Variants in LARGE1 observed in about 807,000 individuals in gnomAD.
LARGE1 encodes the protein LARGE xylosyl- and glucuronyltransferase 1.
LARGE1 carries 43 observed loss-of-function variants against 87.6 expected under a neutral mutation model. That is an observed-to-expected ratio of 0.49 (90% CI 0.38 to 0.63). The LOEUF (loss-of-function observed/expected upper bound fraction) is 0.63, where lower values mean the gene tolerates loss of function less well. LARGE1 is among the 30% of genes least tolerant of loss of function. The pLI, the probability that LARGE1 is intolerant of heterozygous loss-of-function variation, is 0.00. For missense variants in LARGE1, 802 were observed against 1,000.2 expected, an observed-to-expected ratio of 0.80 and a Z score of 2.67; for synonymous variants, 434 against 394.6, an observed-to-expected ratio of 1.10 and a Z score of -1.18.
At position 33,610,173 on chromosome 22, in the gene LARGE1, T is replaced by C. The variant is rs191273070; in HGVS notation, c.492-5615A>G. Among the ~76,000 whole-genome samples, 257 of 152,240 alleles carry C rather than the reference T, an allele frequency of 1.7e-3. 1 individual carries two copies. The highest frequency in any genetic ancestry group is 5.8e-3 in the African/African-American group (243 of 41,546). On this transcript the variant is annotated intron_variant, in intron 4 of 14. Transcript: ENST00000397394. ...TGGTACCAGGAGTGAGATACTACTA[T>C]AAACATATATGAAAATATGGAGGCA...
the LARGE1 span, among the ~76,000 whole-genome samples, chr22:33,080,792 A>C: frequency 7.2e-5 from 11 of 152,210 alleles, no homozygotes; most frequent in Admixed American, 7.2e-4. Flanking sequence ...AATACTCTTA[A>C]CTGCTGTCCA....
At chr22:33,184,103 T>C in intron 11 of LARGE1, among the ~76,000 whole-genome samples, 1 of 142,386 alleles carries the variant, frequency 7.0e-6, no homozygotes, top group South Asian at 2.2e-4. Flanking sequence ...TATATATATA[T>C]CATATCTTTA....
At chr22:33,859,332 G>A (rs1199192102) in intron 1 of LARGE1, among the ~76,000 whole-genome samples, 2 of 152,004 alleles carry the variant, frequency 1.3e-5, no homozygotes, top group Non-Finnish European at 2.9e-5. Context: ...GGAAACAAAC[G>A]CACGAGCTTT....
intron 5 of LARGE1, among the ~76,000 whole-genome samples, chr22:33,577,424 A>G (rs2078387201): frequency 6.6e-6 from 1 of 152,212 alleles, no homozygotes; most frequent in Admixed American, 6.5e-5. Flanking sequence ...TGAATCCAAC[A>G]GTTCTTTCTT....
chr22:33,645,923 T>C (rs1414871720), intron 3 of LARGE1, among the ~76,000 whole-genome samples: 1 of 152,094 alleles, frequency 6.6e-6, no homozygotes, highest in Non-Finnish European at 1.5e-5. Flanking sequence ...ATGGCGATCA[T>C]TAAAAAGTCA....
At chr22:33,533,535 C>T (rs151320521) in intron 6 of LARGE1, among the ~76,000 whole-genome samples, 1 of 152,162 alleles carries the variant, frequency 6.6e-6, no homozygotes, top group Non-Finnish European at 1.5e-5. Flanking sequence ...GCTCCCTCAG[C>T]CTTAGTTGTT....
At chr22:33,483,961 C>T (rs977538119) in intron 6 of LARGE1, among the ~76,000 whole-genome samples, 7 of 152,132 alleles carry the variant, frequency 4.6e-5, no homozygotes, top group East Asian at 1.9e-4. Context: ...GTGACCTTGA[C>T]GGCCGGAAGT....
the LARGE1 span, among the ~76,000 whole-genome samples, chr22:33,138,779 T>C: frequency 6.6e-6 from 1 of 151,836 alleles, no homozygotes; most frequent in Non-Finnish European, 1.5e-5. Context: ...CTGAAATGAG[T>C]TGAGACTTTG....
intron 2 of LARGE1, among the ~76,000 whole-genome samples, chr22:33,708,218 T>C (rs1455941765): frequency 2.0e-5 from 3 of 151,554 alleles, no homozygotes; most frequent in African/African-American, 7.3e-5. Context: ...GAATAGAAGT[T>C]AGGAGTTGCT....
At chr22:33,773,830 G>T (rs535437602) in intron 1 of LARGE1, among the ~76,000 whole-genome samples, 1 of 133,392 alleles carries the variant, frequency 7.5e-6, no homozygotes, top group Non-Finnish European at 1.7e-5. Flanking sequence ...TCCAAAATAC[G>T]ATTATCAAAC....
At chr22:33,904,360 T>C (rs1450225569) in intron 1 of LARGE1, among the ~76,000 whole-genome samples, 1 of 152,236 alleles carries the variant, frequency 6.6e-6, no homozygotes, top group East Asian at 1.9e-4. Flanking sequence ...TTCACCATGT[T>C]GGCCAGGTCA....
chr22:33,709,014 A>G (rs2082646803), intron 2 of LARGE1, among the ~76,000 whole-genome samples: 1 of 152,046 alleles, frequency 6.6e-6, no homozygotes, highest in Admixed American at 6.5e-5. Context: ...TTATAGGGAC[A>G]CCAGTCGGAT....
In LARGE1 at chr22:33,171,893, C is replaced by G. The variant is rs569928903; in HGVS notation, c.1731-5061G>C. Among the ~76,000 whole-genome samples, 5 of 152,264 alleles carry G rather than the reference C, an allele frequency of 3.3e-5. No homozygotes were observed. The East Asian group carries it at 9.6e-4, about 29-fold the overall frequency. On this transcript the variant is annotated intron_variant, in intron 11 of 11. Coordinates refer to the LARGE1 transcript ENST00000608642. Reference sequence around the variant, plus strand: ...AGAAGAGGACCATTGTCCTCCAGACCCCAGAAAGGTAGATCCACTGACAGA... The same window carrying G: ...AGAAGAGGACCATTGTCCTCCAGACGCCAGAAAGGTAGATCCACTGACAGA...
chr22:33,461,061 C>T (rs2068362248), intron 6 of LARGE1, among the ~76,000 whole-genome samples: 1 of 152,120 alleles, frequency 6.6e-6, no homozygotes, highest in Non-Finnish European at 1.5e-5. Flanking sequence ...CAACATCAAA[C>T]AAAAACTGCA....
chr22:33,230,867 G>A (rs1257885268), intron 11 of LARGE1, among the ~76,000 whole-genome samples: 1 of 152,224 alleles, frequency 6.6e-6, no homozygotes, highest in Non-Finnish European at 1.5e-5. Context: ...TGACCATCAA[G>A]AGAGTAGGTG....
At chr22:33,671,701 C>T (rs529717370) in intron 2 of LARGE1, among the ~76,000 whole-genome samples, 1 of 152,296 alleles carries the variant, frequency 6.6e-6, no homozygotes, top group Admixed American at 6.5e-5. Context: ...TTATGTTGTC[C>T]TTTCTCTTAA....
chr22:33,316,287 A>G (rs953137455), intron 10 of LARGE1, 39 bp from the exon 11 acceptor site: 1 of 1,606,472 alleles, frequency 6.2e-7, no homozygotes, highest in African/African-American at 1.3e-5. Context: ...CGTGAAGAAG[A>G]GGTCCGAGGG....
At chr22:33,908,431 G>A (rs1178524802) in intron 1 of LARGE1, among the ~76,000 whole-genome samples, 2 of 152,108 alleles carry the variant, frequency 1.3e-5, no homozygotes, top group East Asian at 1.9e-4. Context: ...AGATAAAGAA[G>A]GAAAGAGCTT....
chr22:33,353,399 CT>C (rs879900631), intron 9 of LARGE1, among the ~76,000 whole-genome samples: 519 of 138,284 alleles, frequency 3.8e-3, no homozygotes, highest in Middle Eastern at 0.011. Flanking sequence ...TTCTTTTTTT[CT>C]TTTTTTTTTT....
Sources: gnomAD v4.1 joint callset for allele counts (sites outside exome capture counted in the v4.1 genomes callset) on GRCh38, gnomAD v4.1.1 for gene constraint, MANE v1.5 for transcripts, NCBI Gene and HGNC (gene_info 2026-07-23, HGNC 2026-07-21) for gene names.